The following TMTC2 variants were observed in gnomAD, a reference collection of about 807,000 sequenced individuals.
TMTC2 encodes protein O-mannosyl-transferase TMTC2.
In TMTC2, 43 loss-of-function variants were observed where a neutral mutation model predicts 82.4. That is an observed-to-expected ratio of 0.52 (90% confidence interval 0.41 to 0.67). TMTC2 has a LOEUF of 0.67. TMTC2 is among the 30% of genes least tolerant of loss of function. The pLI is 0.00. For synonymous variants in TMTC2, 408 were observed against 381.9 expected, an observed-to-expected ratio of 1.07 and a Z score of -0.80; for missense variants, 919 against 1,012.4, an observed-to-expected ratio of 0.91 and a Z score of 1.25.
At chr12:83,065,075 A>T (rs963456652) in intron 11 of TMTC2, among the ~76,000 whole-genome samples, 1 of 151,820 alleles carries the variant, frequency 6.6e-6, no homozygotes, top group African/African-American at 2.4e-5. Context: ...TGTATGTGGG[A>T]GATTCTGTGA....
chr12:82,829,006 G>A (rs1565769009), intron 1 of TMTC2, among the ~76,000 whole-genome samples: 1 of 152,140 alleles, frequency 6.6e-6, no homozygotes, highest in Non-Finnish European at 1.5e-5. Context: ...AATAATGTGA[G>A]TATTTTGACT....
At chr12:83,011,088 G>A (rs1380018966) in intron 8 of TMTC2, among the ~76,000 whole-genome samples, 1 of 152,194 alleles carries the variant, frequency 6.6e-6, no homozygotes, top group African/African-American at 2.4e-5. Flanking sequence ...ACCCACGTCG[G>A]CATCCCAAAG....
At chr12:83,096,982 G>A (rs1302856446) in intron 11 of TMTC2, among the ~76,000 whole-genome samples, 4 of 151,982 alleles carry the variant, frequency 2.6e-5, no homozygotes, top group African/African-American at 7.3e-5. Flanking sequence ...TTGATTATTC[G>A]TTACTCTCAG....
At chr12:82,934,956 C>T (rs74798203) in intron 4 of TMTC2, among the ~76,000 whole-genome samples, 57 of 151,502 alleles carry the variant, frequency 3.8e-4, no homozygotes, top group Non-Finnish European at 6.5e-4. Flanking sequence ...TTTCTTTAGG[C>T]AGAAATAAAC....
At chr12:82,787,126 A>G (rs1878215138) in intron 1 of TMTC2, among the ~76,000 whole-genome samples, 1 of 152,112 alleles carries the variant, frequency 6.6e-6, no homozygotes, top group South Asian at 2.1e-4. Context: ...AAACTGGTGA[A>G]ACTTTTTCAT....
chr12:83,060,915 C>T lies in TMTC2; in HGVS notation c.2268-853C>T, dbSNP rs192740311. ...ACATCTTATTTGTACAAGTCAGTTGCGCTACTAACAGGATTTGGCTGTGAG... is the reference window on the plus strand; with the variant it reads ...ACATCTTATTTGTACAAGTCAGTTGTGCTACTAACAGGATTTGGCTGTGAG... On this transcript the variant is annotated intron_variant, in intron 10 of 11. Transcript: ENST00000321196. 9.4e-4 allele frequency among the ~76,000 whole-genome samples: 143 copies of T among 151,772 alleles called. 1 individual carries two copies. Among genetic ancestry groups the T allele is most frequent in the African/African-American group, 2.1e-3 (86 of 41,442 alleles).
intron 5 of TMTC2, among the ~76,000 whole-genome samples, chr12:82,965,338 A>T (rs1878142540): frequency 6.6e-6 from 1 of 152,074 alleles, no homozygotes; most frequent in South Asian, 2.1e-4. Context: ...TTTAAGCTTA[A>T]AATATTTGGA....
intron 1 of TMTC2, among the ~76,000 whole-genome samples, chr12:82,771,616 T>C (rs533329644): frequency 6.6e-6 from 1 of 152,336 alleles, no homozygotes; most frequent in African/African-American, 2.4e-5. Context: ...TATAACTAGA[T>C]GCAATGCTTT....
intron 10 of TMTC2, among the ~76,000 whole-genome samples, chr12:83,053,268 C>T (rs1235444586): frequency 6.6e-6 from 1 of 152,016 alleles, no homozygotes; most frequent in Non-Finnish European, 1.5e-5. Context: ...GAACTATGTC[C>T]TTTTGAGAGA....
intron 2 of TMTC2, among the ~76,000 whole-genome samples, chr12:82,859,529 TC>T (rs1255924570): frequency 5.3e-5 from 8 of 152,194 alleles, no homozygotes; most frequent in Non-Finnish European, 1.0e-4. Flanking sequence ...CAGTACTCCT[TC>T]CTAGAAATAT....
At chr12:83,016,247 T>G (rs1213091317) in intron 8 of TMTC2, among the ~76,000 whole-genome samples, 1 of 152,232 alleles carries the variant, frequency 6.6e-6, no homozygotes, top group African/African-American at 2.4e-5. Flanking sequence ...GCAGAATTTC[T>G]AAATAATTTT....
chr12:82,738,966 G>A (rs1313908619), intron 1 of TMTC2, among the ~76,000 whole-genome samples: 2 of 151,912 alleles, frequency 1.3e-5, no homozygotes, highest in Non-Finnish European at 2.9e-5. Context: ...TGGCCAACAG[G>A]ATGAAAGCCT....
chr12:82,887,427 A>G (rs2137165489), intron 2 of TMTC2, among the ~76,000 whole-genome samples: 1 of 152,346 alleles, frequency 6.6e-6, no homozygotes, highest in Non-Finnish European at 1.5e-5. Context: ...GGGCTTCTGT[A>G]GAGGTATCAC....
At chr12:82,754,061 G>A (rs1876164704) in intron 1 of TMTC2, among the ~76,000 whole-genome samples, 1 of 152,190 alleles carries the variant, frequency 6.6e-6, no homozygotes, top group Non-Finnish European at 1.5e-5. Flanking sequence ...CAAAAGTCCA[G>A]ATGCTTTCTT....
intron 8 of TMTC2, among the ~76,000 whole-genome samples, chr12:83,015,847 A>G (rs1880654389): frequency 6.6e-6 from 1 of 152,340 alleles, no homozygotes; most frequent in Non-Finnish European, 1.5e-5. Context: ...TTGTATTTAT[A>G]CATACAGACT....
At chr12:83,098,754 T>A (rs1356153630) in intron 11 of TMTC2, among the ~76,000 whole-genome samples, 1 of 152,210 alleles carries the variant, frequency 6.6e-6, no homozygotes, top group Non-Finnish European at 1.5e-5. Context: ...CATTACATCC[T>A]GACGTCCCAG....
chr12:82,788,830 C>G (rs1878314420), intron 1 of TMTC2, among the ~76,000 whole-genome samples: 1 of 152,098 alleles, frequency 6.6e-6, no homozygotes, highest in African/African-American at 2.4e-5. Flanking sequence ...CAGCTTTTCT[C>G]TCTCTTCACT....
chr12:83,018,035 T>TTG (rs67164668), intron 8 of TMTC2, among the ~76,000 whole-genome samples: 30,557 of 141,552 alleles, frequency 0.22, 3,441 homozygotes, highest in African/African-American at 0.26. Flanking sequence ...TATATATATA[T>TTG]TGTGTGTGTG....
chr12:82,842,080 G>A (rs1407941567), intron 1 of TMTC2, among the ~76,000 whole-genome samples: 1 of 152,182 alleles, frequency 6.6e-6, no homozygotes, highest in Non-Finnish European at 1.5e-5. Context: ...TACATGTGGA[G>A]GAACACAGGC....
Sources: allele counts gnomAD v4.1 joint callset (sites outside exome capture counted in the v4.1 genomes callset), GRCh38; gene constraint gnomAD v4.1.1; transcripts MANE v1.5; gene names NCBI Gene and HGNC (gene_info 2026-07-23, HGNC 2026-07-21).